The following SALL3 variants were observed in gnomAD, a reference collection of about 807,000 sequenced individuals.
The protein encoded by SALL3 is sal-like protein 3.
In SALL3, 25 loss-of-function variants were observed where a neutral mutation model predicts 66.2. That is an observed-to-expected ratio of 0.38 (90% CI 0.28 to 0.53). The LOEUF is 0.53. SALL3 is among the 20% of genes least tolerant of loss of function. SALL3 has a pLI of 0.85. For synonymous variants in SALL3, 1,152 were observed against 899.1 expected (o/e 1.28, Z -5.03); for missense variants, 2,194 against 1,916.5 (o/e 1.14, Z -2.70).
intron 1 of SALL3, among the ~76,000 whole-genome samples, chr18:78,990,943 TTAGAGTTCTTCATTAAACATAG>T (rs1259679382): frequency 6.6e-6 from 1 of 152,198 alleles, no homozygotes; most frequent in African/African-American, 2.4e-5. Context: ...CAGGTGTGAA[TTAGAGTTCTTCATTAAACATAG>T]TTGTTACTCG....
Position 78,993,149 on chromosome 18 carries a change from T to A in SALL3, c.1158T>A (p.Ala386=). The change falls in exon 2 of 3, where the codon GCT becomes GCA. Residue 386 remains alanine, a synonymous_variant. Transcript: ENST00000537592. ...PLVSIAATAN[A]LDPLSALMKH... ...TCAGCATCGCGGCCACGGCCAACGC[T>A]CTGGACCCGCTGTCCGCGCTCATGA... 6.2e-7 allele frequency: 1 copy of A among 1,606,524 alleles called. No individual in the cohort carries two copies. The highest frequency in any genetic ancestry group is 1.3e-5 in the African/African-American group (1 of 74,824).
At chr18:78,980,628 C>A (rs1490515836) in intron 1 of SALL3, among the ~76,000 whole-genome samples, 1 of 151,570 alleles carries the variant, frequency 6.6e-6, no homozygotes, top group Non-Finnish European at 1.5e-5. Context: ...GAGGCCGCGG[C>A]CGGCTCGAGG....
In SALL3 at chr18:78,997,297, A is replaced by G. The variant is rs1914731585; in HGVS notation, c.3878A>G (p.Asp1293Gly). ...ASRPFTRFIE[D>G]NKEIGIN ...CGCCCATTCACGCGGTTTATCGAGG[A>G]TAACAAGGAGATTGGTATCAACTAG... The change falls in exon 3 of 3, where the codon GAT becomes GGT. Residue 1293 changes from aspartate to glycine, a missense_variant. Asp to Gly is a moderately conservative substitution (Grantham distance 94, BLOSUM62 -1). Transcript: ENST00000537592. 6.2e-7 allele frequency: 1 copy of G among 1,613,912 alleles called. No individual in the cohort carries two copies. Among genetic ancestry groups the G allele is most frequent in the African/African-American group, 1.3e-5 (1 of 75,040 alleles).
In SALL3 at chr18:78,994,048, G is replaced by A; in HGVS notation, c.2057G>A (p.Arg686Gln). The A allele has an allele frequency of 6.2e-7, 1 of 1,612,774 alleles. No individual in the cohort carries two copies. The highest frequency in any genetic ancestry group is 8.5e-7 in the Non-Finnish European group (1 of 1,179,954). The change falls in exon 2 of 3, where the codon CGG becomes CAG. Residue 686 changes from arginine (R) to glutamine (Q), a missense_variant. Coordinates refer to ENST00000537592, the MANE Select transcript of SALL3 (RefSeq NM_171999.4). ...CCGAACCAGTGCGTCATCTGCCACCGGGTGCTGAGCTGCCAGAGCGCGCTG... is the reference window on the plus strand; with the variant it reads ...CCGAACCAGTGCGTCATCTGCCACCAGGTGCTGAGCTGCCAGAGCGCGCTG... ...TDPNQCVICHRVLSCQSALKM... is the reference protein window; with the variant it reads ...TDPNQCVICHQVLSCQSALKM...
Position 78,993,294 on chromosome 18 carries a change from C to T in SALL3, c.1303C>T (p.Leu435Phe). The T allele has an allele frequency of 1.2e-6, 2 of 1,611,736 alleles. No homozygotes were observed. Among genetic ancestry groups the T allele is most frequent in the Non-Finnish European group, 1.7e-6 (2 of 1,179,806 alleles). ...CAKVFGSDSA[L>F]QIHLRSHTGE... is the part of the protein sequence containing the mutation. ...CAAGGTCTTCGGCAGCGACAGCGCGCTCCAGATCCACCTGCGCTCGCACAC... is the reference window on the plus strand; with the variant it reads ...CAAGGTCTTCGGCAGCGACAGCGCGTTCCAGATCCACCTGCGCTCGCACAC... The change falls in exon 2 of 3, where the codon CTC (leucine) becomes TTC (phenylalanine). Residue 435 changes from leucine to phenylalanine, a missense_variant. Physicochemically the swap from Leu to Phe is conservative, Grantham distance 22. Transcript: ENST00000537592.
At chr18:78,996,829 C>T (rs986615639) in intron 2 of SALL3, 62 bp from the exon 3 acceptor site, 32 of 1,490,358 alleles carry the variant, frequency 2.1e-5, no homozygotes, top group South Asian at 1.6e-4. Context: ...GCGCTGGAAG[C>T]GGAGCAGCTC....
In SALL3 at chr18:78,993,878, G is replaced by A. The variant is rs991618333; in HGVS notation, c.1887G>A (p.Thr629=). 14 of 1,571,864 alleles carry A rather than the reference G, an allele frequency of 8.9e-6. No homozygotes were observed. The highest frequency in any genetic ancestry group is 1.7e-4 in the Middle Eastern group (1 of 6,010). Residue 629 remains threonine, a synonymous_variant, in exon 2 of 3, where the codon ACG becomes ACA. Coordinates refer to ENST00000537592, the MANE Select transcript of SALL3 (RefSeq NM_171999.4). ...AAPTSVDGAP[T]SLGSPGLPAV... The stretch of plus-strand genomic sequence containing the variant: ...CCACATCGGTGGACGGCGCACCCAC[G>A]AGCCTCGGCAGCCCCGGGCTGCCCG...
rs2974290 is a variant in SALL3 at position 78,994,350 on chromosome 18, G to A, written c.2359G>A (p.Asp787Asn). The A allele has an allele frequency of 6.2e-7, 1 of 1,613,554 alleles. No individual in the cohort carries two copies. Among genetic ancestry groups the A allele is most frequent in the South Asian group, 1.1e-5 (1 of 91,084 alleles). The change falls in exon 2 of 3, where the codon GAC (aspartate) becomes AAC (asparagine). Residue 787 changes from aspartate to asparagine, a missense_variant. By Grantham distance (23) the Asp-to-Asn change is conservative (BLOSUM62 1). Coordinates refer to ENST00000537592, the MANE Select transcript of SALL3 (RefSeq NM_171999.4). The part of the protein sequence containing the change: ...DAMDSELAYD[D>N]KNAETLSSYD... ...CATGGACTCCGAGCTGGCCTACGAC[G>A]ACAAGAACGCGGAGACCCTGAGCAG... is the stretch of plus-strand genomic sequence containing the variant.
At chr18:78,981,578 C>T (rs981002831) in intron 1 of SALL3, among the ~76,000 whole-genome samples, 2 of 152,062 alleles carry the variant, frequency 1.3e-5, no homozygotes, top group South Asian at 4.1e-4. Flanking sequence ...ATGCTTATGA[C>T]GCGGCTGGAG....
At chr18:78,980,426 GCGGGAGCGGATGCGCGCGTC>G (rs1479936952) in intron 1 of SALL3, 70 bp downstream of exon 1, 2 of 1,002,560 alleles carry the variant, frequency 2.0e-6, no homozygotes, top group Non-Finnish European at 2.6e-6. Context: ...AGCGCGTGCG[GCGGGAGCGGATGCGCGCGTC>G]CGGGAGCGGG....
rs755761587 is a variant in SALL3 at position 78,995,410 on chromosome 18, C to T, written c.3419C>T (p.Pro1140Leu). 1 of 1,589,312 alleles carries T rather than the reference C, an allele frequency of 6.3e-7. No homozygotes were observed. Among genetic ancestry groups the T allele is most frequent in the Admixed American group, 1.7e-5 (1 of 58,806 alleles). The change falls in exon 2 of 3, where the codon CCG becomes CTG. Residue 1140 changes from proline (P) to leucine (L), a missense_variant. Transcript: ENST00000537592. ...GAGCGCACGCACACCGGCGAGAAGC[C>T]GTTCGGCTGCACCATCTGCGGCCGG... Reference protein sequence around the residue: ...IHERTHTGEKPFGCTICGRAF... With the variant: ...IHERTHTGEKLFGCTICGRAF...
intron 1 of SALL3, among the ~76,000 whole-genome samples, chr18:78,983,643 C>T (rs576548254): frequency 2.0e-5 from 3 of 152,248 alleles, no homozygotes; most frequent in East Asian, 1.9e-4. Flanking sequence ...GAAAGAAGCT[C>T]GGCCACCAGT....
chr18:78,986,429 C>A (rs749979705), intron 1 of SALL3, among the ~76,000 whole-genome samples: 1 of 152,150 alleles, frequency 6.6e-6, no homozygotes, highest in Non-Finnish European at 1.5e-5. Context: ...TTTTCTATTG[C>A]GTCTGGAATT....
rs754628554 is a variant in SALL3 at position 78,994,788 on chromosome 18, C to G, written c.2797C>G (p.Leu933Val). Residue 933 changes from leucine (L) to valine (V), a missense_variant, in exon 2 of 3, where the codon CTC (leucine) becomes GTC (valine). Transcript: ENST00000537592. ...CCCGGAGGAGCCCCAGGAAATCCCG[C>G]TCAAGACCGAGAGGCCGGACAGCCC... ...GAPEEPQEIP[L>V]KTERPDSPAA... 6.3e-7 allele frequency: 1 copy of G among 1,598,354 alleles called. No individual in the cohort carries two copies. Among genetic ancestry groups the G allele is most frequent in the Non-Finnish European group, 8.5e-7 (1 of 1,175,396 alleles).
At chr18:78,984,419 A>T (rs1259531155) in intron 1 of SALL3, among the ~76,000 whole-genome samples, 2 of 152,180 alleles carry the variant, frequency 1.3e-5, no homozygotes, top group Non-Finnish European at 1.5e-5. Context: ...TAACTTTTAA[A>T]TATAACAGGA....
chr18:78,980,384 G>A, intron 1 of SALL3, 28 bp downstream of exon 1: 1 of 1,356,430 alleles, frequency 7.4e-7, no homozygotes, highest in Non-Finnish European at 9.6e-7. Context: ...GGGGTGGCCG[G>A]GGGGTCTGGG....
Position 78,992,991 on chromosome 18 carries a change from T to C in SALL3, c.1000T>C (p.Ser334Pro). The part of the protein sequence containing the change: ...APAPAPQSAA[S>P]SQPQSASTPP... ...GGCGCCAGCGCCGCAGAGCGCAGCC[T>C]CGTCGCAGCCGCAGAGCGCATCCAC... Residue 334 changes from serine to proline, a missense_variant, in exon 2 of 3, where the codon TCG (serine) becomes CCG (proline). By Grantham distance (74) the Ser-to-Pro change is moderately conservative (BLOSUM62 -1). Coordinates refer to ENST00000537592, the MANE Select transcript of SALL3 (RefSeq NM_171999.4). 2 of 1,450,606 alleles carry C rather than the reference T, an allele frequency of 1.4e-6. No homozygotes were observed. The highest frequency in any genetic ancestry group is 1.8e-6 in the Non-Finnish European group (2 of 1,111,482). The allele number at this position is 1,450,606 out of a possible 1,614,324, so 89.9% of individuals were successfully genotyped here.
rs1914715053 is a variant in SALL3, at chr18:78,996,934, G to A, written c.3515G>A (p.Arg1172His). Reference protein sequence around the residue: ...THMWNNAPARRGRRLSVENPM... With the variant: ...THMWNNAPARHGRRLSVENPM... ...ATGTGGAATAACGCCCCCGCGAGAC[G>A]CGGCCGCCGCCTGTCTGTGGAGAAC... The change falls in exon 3 of 3, where the codon CGC becomes CAC. Residue 1172 changes from arginine (R) to histidine (H), a missense_variant. Physicochemically the swap from Arg to His is conservative, Grantham distance 29. Coordinates refer to ENST00000537592, the MANE Select transcript of SALL3 (RefSeq NM_171999.4). 6.2e-7 allele frequency: 1 copy of A among 1,612,856 alleles called. No individual in the cohort carries two copies.
intron 1 of SALL3, among the ~76,000 whole-genome samples, chr18:78,987,380 G>A (rs897632192): frequency 6.6e-6 from 1 of 152,172 alleles, no homozygotes; most frequent in Admixed American, 6.5e-5. Context: ...TTATTAGTTA[G>A]AAGGGGAAAA....
Sources: gnomAD v4.1 joint callset for allele counts (sites outside exome capture counted in the v4.1 genomes callset) on GRCh38, gnomAD v4.1.1 for gene constraint, MANE v1.5 for transcripts, NCBI Gene and HGNC (gene_info 2026-07-23, HGNC 2026-07-21) for gene names.